The following TMEM178B variants were observed in gnomAD, a reference collection of about 807,000 sequenced individuals.
TMEM178B encodes transmembrane protein 178B.
In TMEM178B, 5 loss-of-function variants were observed where a neutral mutation model predicts 31.0. The ratio of observed to expected loss-of-function variants is 0.16; its 90% confidence interval spans 0.08 to 0.34. The LOEUF (loss-of-function observed/expected upper bound fraction) is 0.34, where lower values mean the gene tolerates loss of function less well. Ranked by LOEUF, TMEM178B falls within the 10% of genes least tolerant of loss-of-function variation. TMEM178B has a pLI of 1.00. For missense variants in TMEM178B, 275 were observed against 400.3 expected (o/e 0.69, Z 2.67); for synonymous variants, 164 against 164.0 (o/e 1.00, Z 0.00).
chr7:141,183,597 T>A (rs1289241400), intron 1 of TMEM178B, among the ~76,000 whole-genome samples: 7 of 152,192 alleles, frequency 4.6e-5, no homozygotes, highest in African/African-American at 1.7e-4. Context: ...AAGCAACAAT[T>A]CCTTAGACTT....
chr7:141,225,948 G>A (rs1234488549), intron 2 of TMEM178B, among the ~76,000 whole-genome samples: 10 of 152,142 alleles, frequency 6.6e-5, no homozygotes, highest in African/African-American at 2.2e-4. Flanking sequence ...ATTCTGCCAC[G>A]TTTCCCTGAG....
At chr7:141,337,986 C>T (rs1166502786) in intron 2 of TMEM178B, among the ~76,000 whole-genome samples, 7 of 152,060 alleles carry the variant, frequency 4.6e-5, no homozygotes, top group South Asian at 2.1e-4. Context: ...TACAGGCACC[C>T]GTCACCACGC....
At chr7:141,220,344 TAATAATAATAATAATAA>T (rs1388295467) in intron 2 of TMEM178B, among the ~76,000 whole-genome samples, 43 of 133,284 alleles carry the variant, frequency 3.2e-4, no homozygotes, top group African/African-American at 1.1e-3. Flanking sequence ...ATAATAATAA[TAATAATAATAATAATAA>T]AATAATAAAT....
chr7:141,171,046 AC>A lies in TMEM178B; in HGVS notation c.383-41544del, dbSNP rs1770975352. 6.7e-6 allele frequency among the ~76,000 whole-genome samples: 1 copy of A among 149,396 alleles called. No individual in the cohort carries two copies. Among genetic ancestry groups the A allele is most frequent in the South Asian group, 2.1e-4 (1 of 4,750 alleles). ...CACACACACACACACACACACACACACACACACACACACACACACCCTAAAT... is the reference window on the plus strand; with the variant it reads ...CACACACACACACACACACACACACAACACACACACACACACACCCTAAAT... On this transcript the variant is annotated intron_variant, in intron 1 of 3. Coordinates refer to ENST00000565468, the MANE Select transcript of TMEM178B (RefSeq NM_001195278.2). The surrounding 1 kb of genome is among the most constrained non-coding windows in gnomAD (Gnocchi z 4.3).
intron 1 of TMEM178B, among the ~76,000 whole-genome samples, chr7:141,112,169 A>G (rs1466229153): frequency 4.6e-5 from 7 of 152,332 alleles, no homozygotes; most frequent in South Asian, 2.1e-4. Context: ...TTTTAATCTG[A>G]GAGATTTATT....
chr7:141,319,946 T>G (rs1799070254), intron 2 of TMEM178B, among the ~76,000 whole-genome samples: 2 of 152,314 alleles, frequency 1.3e-5, no homozygotes, highest in South Asian at 4.1e-4. Context: ...TGATATGATA[T>G]GGTTTGGCTC....
intron 1 of TMEM178B, among the ~76,000 whole-genome samples, chr7:141,191,770 A>G (rs1796700967): frequency 6.6e-6 from 1 of 151,124 alleles, no homozygotes; most frequent in African/African-American, 2.4e-5. Flanking sequence ...AGTTGCAAGT[A>G]CTCCTCTTAG....
At chr7:141,188,186 G>A (rs912290758) in intron 1 of TMEM178B, among the ~76,000 whole-genome samples, 4 of 152,122 alleles carry the variant, frequency 2.6e-5, no homozygotes, top group Non-Finnish European at 5.9e-5. Context: ...CTCCTGTGTT[G>A]TGTGTAATGG....
At chr7:141,503,231 G>A in the TMEM178B span, among the ~76,000 whole-genome samples, 1 of 152,216 alleles carries the variant, frequency 6.6e-6, no homozygotes, top group African/African-American at 2.4e-5. Flanking sequence ...ATCTGTTAAA[G>A]CAGCTAGAGT....
chr7:141,424,846 G>A (rs1313627022), intron 2 of TMEM178B, among the ~76,000 whole-genome samples: 1 of 152,100 alleles, frequency 6.6e-6, no homozygotes, highest in Non-Finnish European at 1.5e-5. Context: ...TCCTTCAAAA[G>A]AATACTTTTA....
chr7:141,148,748 G>A (rs1335058885), intron 1 of TMEM178B, among the ~76,000 whole-genome samples: 1 of 152,178 alleles, frequency 6.6e-6, no homozygotes. Context: ...TGAGGGTGAC[G>A]GGCAATCAAT....
At chr7:141,399,294 G>A (rs1224373678) in intron 2 of TMEM178B, among the ~76,000 whole-genome samples, 1 of 152,198 alleles carries the variant, frequency 6.6e-6, no homozygotes, top group East Asian at 1.9e-4. Flanking sequence ...TGGATTCCTG[G>A]CCTTCAGTCT....
chr7:141,373,021 C>A (rs1800146819), intron 2 of TMEM178B, among the ~76,000 whole-genome samples: 1 of 152,184 alleles, frequency 6.6e-6, no homozygotes, highest in Admixed American at 6.5e-5. Flanking sequence ...CCACCGCTGG[C>A]TCAGACACTT....
rs369331485 is a variant in TMEM178B, at chr7:141,119,332, G to C, written c.382+44640G>C. Reference sequence around the variant, plus strand: ...GGTCTGTCCCACTTGGTCCCAGTGAGCTCTAGTGGCTAGAGGGAGCTGTCA... The same window carrying C: ...GGTCTGTCCCACTTGGTCCCAGTGACCTCTAGTGGCTAGAGGGAGCTGTCA... On this transcript the variant is annotated intron_variant, in intron 1 of 3. Transcript: ENST00000565468. Among the ~76,000 whole-genome samples the C allele has an allele frequency of 2.0e-5, 3 of 152,206 alleles. No homozygotes were observed. The East Asian group carries it at 5.8e-4, about 29-fold the overall frequency.
chr7:141,385,247 A>G (rs543678985), intron 2 of TMEM178B, among the ~76,000 whole-genome samples: 1 of 152,304 alleles, frequency 6.6e-6, no homozygotes, highest in East Asian at 1.9e-4. Context: ...CAGTAGCTGC[A>G]ATGTGTCCAT....
chr7:141,084,229 C>T (rs906955993), intron 1 of TMEM178B, among the ~76,000 whole-genome samples: 1 of 152,176 alleles, frequency 6.6e-6, no homozygotes, highest in Non-Finnish European at 1.5e-5. Flanking sequence ...ATTTTTGAGC[C>T]TTAGATTTTT....
chr7:141,398,331 G>A (rs1800693282), intron 2 of TMEM178B, among the ~76,000 whole-genome samples: 3 of 152,096 alleles, frequency 2.0e-5, no homozygotes. Context: ...TGGACATCTG[G>A]GAACATTGAG....
chr7:141,496,595 G>A, the TMEM178B span, among the ~76,000 whole-genome samples: 613 of 143,608 alleles, frequency 4.3e-3, 3 homozygotes, highest in Non-Finnish European at 6.7e-3. Flanking sequence ...GCGTGAACCC[G>A]GGAGGCGGAG....
chr7:141,243,752 G>A (rs918644567), intron 2 of TMEM178B, among the ~76,000 whole-genome samples: 2 of 152,212 alleles, frequency 1.3e-5, no homozygotes, highest in Non-Finnish European at 1.5e-5. Flanking sequence ...GGGCTGAGAA[G>A]AGGTGAAGCC....
Sources: allele counts gnomAD v4.1 joint callset (sites outside exome capture counted in the v4.1 genomes callset), GRCh38; gene constraint gnomAD v4.1.1; non-coding constraint Gnocchi (gnomAD v3.1); transcripts MANE v1.5; gene names NCBI Gene and HGNC (gene_info 2026-07-23, HGNC 2026-07-21).